Variants in B3GAT2 observed in about 807,000 individuals in gnomAD.
B3GAT2 encodes galactosylgalactosylxylosylprotein 3-beta-glucuronosyltransferase 2.
A neutral mutation model predicts 27.8 loss-of-function variants in B3GAT2; 26 were observed. The observed-to-expected ratio is 0.93, with a 90% CI of 0.68 to 1.30. B3GAT2 has a LOEUF of 1.30. Ranked by LOEUF, B3GAT2 falls within the 50% of genes most tolerant of loss-of-function variation. The pLI, the probability that B3GAT2 is intolerant of heterozygous loss-of-function variation, is 0.00. For missense variants in B3GAT2, 458 were observed against 459.0 expected (o/e 1.00, Z 0.02); for synonymous variants, 218 against 195.1 (o/e 1.12, Z -0.98).
intron 1 of B3GAT2, among the ~76,000 whole-genome samples, chr6:70,941,602 TA>T (rs113516817): frequency 0.014 from 2,105 of 152,254 alleles, 31 homozygotes; most frequent in African/African-American, 0.032. Flanking sequence ...CCTTTTAGTA[TA>T]AAAGCTCTTA....
intron 1 of B3GAT2, among the ~76,000 whole-genome samples, chr6:70,897,287 A>G (rs991026919): frequency 1.3e-5 from 2 of 152,210 alleles, no homozygotes; most frequent in African/African-American, 4.8e-5. Context: ...TTCTGCACAC[A>G]AATCTTTTAT....
chr6:70,928,362 C>CA lies in B3GAT2; in HGVS notation c.591+27476dup, dbSNP rs566751039. ...ACCAGAACTGAAGGCGACAGAGACA[C>CA]AAAAAAAAAAACTTCAAAAAATCAA... On this transcript the variant is annotated intron_variant, in intron 1 of 3. Coordinates refer to ENST00000230053, the MANE Select transcript of B3GAT2 (RefSeq NM_080742.3). Among the ~76,000 whole-genome samples, 1,073 of 137,206 alleles carry CA rather than the reference C, an allele frequency of 7.8e-3. 5 individuals are homozygous for CA. Among genetic ancestry groups the CA allele is most frequent in the Non-Finnish European group, 0.012 (729 of 62,884 alleles). The allele number at this position is 137,206 out of a possible 152,430, so 90.0% of individuals were successfully genotyped here. A position where few individuals can be genotyped will look rare whatever the true frequency, so the allele number is the denominator to read the frequency against.
At chr6:70,937,166 T>C (rs1182267269) in intron 1 of B3GAT2, among the ~76,000 whole-genome samples, 3 of 152,144 alleles carry the variant, frequency 2.0e-5, no homozygotes, top group African/African-American at 7.2e-5. Context: ...AATGGATAAA[T>C]TCCTCGGCAC....
intron 2 of B3GAT2, among the ~76,000 whole-genome samples, chr6:70,884,593 T>C (rs1772153345): frequency 6.6e-6 from 1 of 152,058 alleles, no homozygotes; most frequent in South Asian, 2.1e-4. Context: ...AGCCAAGGAT[T>C]CTAGGGGAAA....
At chr6:70,920,616 C>G (rs1772853670) in intron 1 of B3GAT2, among the ~76,000 whole-genome samples, 2 of 152,190 alleles carry the variant, frequency 1.3e-5, no homozygotes, top group South Asian at 4.1e-4. Context: ...TTAAGTCAGG[C>G]ATTTTGCATG....
intron 1 of B3GAT2, among the ~76,000 whole-genome samples, chr6:70,938,028 T>C (rs1442001630): frequency 1.3e-5 from 2 of 151,292 alleles, no homozygotes; most frequent in Non-Finnish European, 2.9e-5. Flanking sequence ...AAAAATCTCC[T>C]TAAGCTGATA....
intron 1 of B3GAT2, 71 bp from the exon 2 acceptor site, chr6:70,894,343 T>C: frequency 6.9e-7 from 1 of 1,452,396 alleles, no homozygotes; most frequent in Non-Finnish European, 9.2e-7. Flanking sequence ...ATGTGATCTA[T>C]GTAGAAGAAG....
intron 1 of B3GAT2, among the ~76,000 whole-genome samples, chr6:70,945,852 C>G (rs1258999557): frequency 1.3e-5 from 2 of 151,548 alleles, no homozygotes; most frequent in Non-Finnish European, 2.9e-5. Context: ...AAGGGAAGCC[C>G]ATCAGACTAA....
intron 1 of B3GAT2, among the ~76,000 whole-genome samples, chr6:70,923,880 CT>C (rs1290163488): frequency 6.6e-6 from 1 of 152,092 alleles, no homozygotes; most frequent in Non-Finnish European, 1.5e-5. Context: ...TTTTTAAGAT[CT>C]GTTTATATTG....
chr6:70,914,895 C>T (rs1772743642), intron 1 of B3GAT2, among the ~76,000 whole-genome samples: 1 of 152,066 alleles, frequency 6.6e-6, no homozygotes, highest in Admixed American at 6.6e-5. Flanking sequence ...TAGTAGAATG[C>T]TTTATAATCC....
intron 1 of B3GAT2, among the ~76,000 whole-genome samples, chr6:70,947,703 AAG>A (rs1765514977): frequency 6.6e-6 from 1 of 151,688 alleles, no homozygotes; most frequent in South Asian, 2.1e-4. Flanking sequence ...TCAATAGAAA[AAG>A]AGGGAATCCT....
chr6:70,954,584 G>A (rs1765620917), intron 1 of B3GAT2, among the ~76,000 whole-genome samples: 1 of 152,148 alleles, frequency 6.6e-6, no homozygotes, highest in African/African-American at 2.4e-5. Flanking sequence ...AGCAGTTAGG[G>A]TATCTGATGA....
chr6:70,939,722 C>T lies in B3GAT2; in HGVS notation c.591+16117G>A, dbSNP rs561353458. On this transcript the variant is annotated intron_variant, in intron 1 of 3. Transcript: ENST00000230053. ...GAGAACACAGACACAGGAAGGGGAACATCACACTCTGGGGACTGTTGTGGG... is the reference window on the plus strand; with the variant it reads ...GAGAACACAGACACAGGAAGGGGAATATCACACTCTGGGGACTGTTGTGGG... 1.4e-3 allele frequency among the ~76,000 whole-genome samples: 196 copies of T among 142,764 alleles called. 1 individual carries two copies. The highest frequency in any genetic ancestry group is 4.8e-3 in the African/African-American group (186 of 38,722). The allele number at this position is 142,764 out of a possible 152,430, so 93.7% of individuals were successfully genotyped here.
chr6:70,874,373 A>T (rs1771981260), intron 2 of B3GAT2, among the ~76,000 whole-genome samples: 1 of 152,198 alleles, frequency 6.6e-6, no homozygotes, highest in African/African-American at 2.4e-5. Flanking sequence ...AGAGTCTCTC[A>T]GTCTTTGCCA....
chr6:70,926,827 G>A (rs1772969452), intron 1 of B3GAT2, among the ~76,000 whole-genome samples: 1 of 152,070 alleles, frequency 6.6e-6, no homozygotes, highest in Non-Finnish European at 1.5e-5. Flanking sequence ...TACACAGAAC[G>A]CCACAAAGAT....
At chr6:70,863,901 C>G (rs930826268) in intron 2 of B3GAT2, among the ~76,000 whole-genome samples, 4 of 152,036 alleles carry the variant, frequency 2.6e-5, no homozygotes, top group African/African-American at 9.7e-5. Flanking sequence ...GGTAACAAGT[C>G]CACAGCCTTC....
At chr6:70,919,175 G>A (rs755271438) in intron 1 of B3GAT2, among the ~76,000 whole-genome samples, 1 of 151,510 alleles carries the variant, frequency 6.6e-6, no homozygotes, top group African/African-American at 2.4e-5. Context: ...CCTTTCTTTC[G>A]CTTGATTGAA....
intron 1 of B3GAT2, among the ~76,000 whole-genome samples, chr6:70,944,213 G>C (rs1235790545): frequency 2.7e-5 from 4 of 150,236 alleles, no homozygotes; most frequent in Non-Finnish European, 6.0e-5. Flanking sequence ...GGGAGTGCCA[G>C]ACAGTGGGCG....
At chr6:70,867,752 C>G (rs762662091) in intron 2 of B3GAT2, among the ~76,000 whole-genome samples, 2 of 152,096 alleles carry the variant, frequency 1.3e-5, no homozygotes, top group Non-Finnish European at 2.9e-5. Flanking sequence ...GAAGAAATGA[C>G]AGCAATTCTA....
Sources: allele counts gnomAD v4.1 joint callset (sites outside exome capture counted in the v4.1 genomes callset), GRCh38; gene constraint gnomAD v4.1.1; transcripts MANE v1.5; gene names NCBI Gene and HGNC (gene_info 2026-07-23, HGNC 2026-07-21).